The following AGL variants were observed in gnomAD, a reference collection of about 807,000 sequenced individuals.
AGL encodes glycogen debranching enzyme.
A neutral mutation model predicts 199.3 loss-of-function variants in AGL; 128 were observed. The observed-to-expected ratio is 0.64, with a 90% CI of 0.56 to 0.74. The LOEUF (loss-of-function observed/expected upper bound fraction) is 0.74. Ranked by LOEUF, AGL falls within the 30% of genes least tolerant of loss-of-function variation. The probability of loss-of-function intolerance (pLI) is 0.00; values close to 1 mark genes in which losing one functional copy is unlikely to be tolerated. For missense variants in AGL, 1,809 were observed against 1,820.8 expected (o/e 0.99, Z 0.12); for synonymous variants, 584 against 594.7 (o/e 0.98, Z 0.26).
chr1:99,879,141 A>C (rs138310818), intron 12 of AGL, among the ~76,000 whole-genome samples: 1 of 152,194 alleles, frequency 6.6e-6, no homozygotes, highest in African/African-American at 2.4e-5. Context: ...AGAGTTTTTA[A>C]GAGTTATTTA....
intron 5 of AGL, among the ~76,000 whole-genome samples, chr1:99,867,682 A>T (rs1364502888): frequency 6.6e-6 from 1 of 150,972 alleles, no homozygotes; most frequent in Non-Finnish European, 1.5e-5. Flanking sequence ...CAGCCTCCCG[A>T]GTAGTTGGAA....
At chr1:99,860,723 G>T (rs1649961934) in intron 2 of AGL, among the ~76,000 whole-genome samples, 1 of 152,192 alleles carries the variant, frequency 6.6e-6, no homozygotes, top group Non-Finnish European at 1.5e-5. Flanking sequence ...GCAGTAGTGT[G>T]TTGGAGGTGC....
chr1:99,902,588 G>A, intron 26 of AGL, 95 bp from the exon 27 acceptor site: 1 of 1,006,398 alleles, frequency 9.9e-7, no homozygotes, highest in Non-Finnish European at 1.6e-6. Flanking sequence ...TCAAAGGAAA[G>A]TATATATTTT....
At position 99,876,524 on chromosome 1, in the gene AGL, T is replaced by G. The variant is rs1651547075; in HGVS notation, c.1350T>G (p.Asn450Lys). 1 of 1,613,742 alleles carries G rather than the reference T, an allele frequency of 6.2e-7. No individual in the cohort carries two copies. Among genetic ancestry groups the G allele is most frequent in the South Asian group, 1.1e-5 (1 of 91,080 alleles). ...AAGAATCTATGATTCATCTGCCAAA[T>G]AAAGCTTGTTTTCTGATGGCACACA... Reference protein sequence around the residue: ...SMEESMIHLPNKACFLMAHNG... With the variant: ...SMEESMIHLPKKACFLMAHNG... Residue 450 changes from asparagine to lysine, a missense_variant, in exon 11 of 34, where the codon AAT becomes AAG. Coordinates refer to ENST00000361915, the MANE Select transcript of AGL (RefSeq NM_000642.3).
chr1:99,862,505 G>A (rs1019483155), intron 4 of AGL, 82 bp downstream of exon 4: 10 of 1,454,784 alleles, frequency 6.9e-6, no homozygotes, highest in Admixed American at 1.7e-5. Context: ...AAAGTTTTGT[G>A]TATTAGTCCA....
At chr1:99,884,267 T>C (rs768566418) in intron 18 of AGL, 23 bp downstream of exon 18, 1 of 1,612,940 alleles carries the variant, frequency 6.2e-7, no homozygotes, top group South Asian at 1.1e-5. Context: ...CTCATCTTAC[T>C]ACTGTGTTTA....
intron 27 of AGL, among the ~76,000 whole-genome samples, chr1:99,903,879 A>T (rs544692005): frequency 3.0e-4 from 45 of 152,206 alleles, no homozygotes; most frequent in Admixed American, 7.8e-4. Context: ...CATTTCTCTG[A>T]TGGCCAGTGA....
At chr1:99,871,367 G>A (rs899065035) in intron 7 of AGL, among the ~76,000 whole-genome samples, 1 of 150,816 alleles carries the variant, frequency 6.6e-6, no homozygotes, top group Admixed American at 6.7e-5. Context: ...AGGTAACGAA[G>A]TGAGTCTTCT....
rs1308551818 is a variant in AGL, at chr1:99,922,407, GAA to G, written c.*761_*762del. The G allele has an allele frequency of 6.6e-6, 1 of 151,558 alleles. No homozygotes were observed. Among genetic ancestry groups the G allele is most frequent in the Non-Finnish European group, 1.5e-5 (1 of 67,728 alleles). 9.4% of individuals were successfully genotyped at this position (151,558 alleles called of 1,614,324 possible). On this transcript the variant is annotated 3_prime_UTR_variant, in exon 34 of 34. Transcript: ENST00000361915. ...TCGGTCATATTTCTAGAACTTTAAAGAAAAAAGAATGTTATATTAGTTTTCTA... is the reference window on the plus strand; with the variant it reads ...TCGGTCATATTTCTAGAACTTTAAAGAAAAGAATGTTATATTAGTTTTCTA...
Position 99,921,729 on chromosome 1 carries a change from A to G in AGL, c.*78A>G. 1 of 937,186 alleles carries G rather than the reference A, an allele frequency of 1.1e-6. No homozygotes were observed. Among genetic ancestry groups the G allele is most frequent in the Non-Finnish European group, 1.7e-6 (1 of 601,730 alleles). The allele number at this position is 937,186 out of a possible 1,614,324, so 58.1% of individuals were successfully genotyped here. On this transcript the variant is annotated 3_prime_UTR_variant, in exon 34 of 34. Transcript: ENST00000361915. The stretch of plus-strand genomic sequence containing the variant: ...TCATATGTAAATGCCTTATATGCAC[A>G]GGCTCAAGTTGTTTTAAAAATCTCA...
Position 99,864,566 on chromosome 1 carries a change from C to T in AGL, c.641C>T (p.Thr214Ile). The T allele has an allele frequency of 1.2e-6, 2 of 1,613,696 alleles. No individual in the cohort carries two copies. Among genetic ancestry groups the T allele is most frequent in the East Asian group, 2.2e-5 (1 of 44,814 alleles). ...AAGGAATGGAATGTTATTTGTATTA[C>T]TGATGTTGTCTACAATCATACTGGT... ...LKKEWNVICITDVVYNHTAAN... is the reference protein window; with the variant it reads ...LKKEWNVICIIDVVYNHTAAN... The change falls in exon 5 of 34, where the codon ACT becomes ATT. Residue 214 changes from threonine (T) to isoleucine (I), a missense_variant. Thr to Ile is a moderately conservative substitution (Grantham distance 89). Coordinates refer to ENST00000361915, the MANE Select transcript of AGL (RefSeq NM_000642.3).
At chr1:99,910,336 T>C (rs1409394654) in intron 27 of AGL, among the ~76,000 whole-genome samples, 1 of 152,210 alleles carries the variant, frequency 6.6e-6, no homozygotes. Flanking sequence ...ATCCAGTTCA[T>C]TAATTTCAAA....
At position 99,912,482 on chromosome 1, in the gene AGL, T is replaced by C. The variant is rs1654819287; in HGVS notation, c.3914T>C (p.Ile1305Thr). The change falls in exon 29 of 34, where the codon ATT (isoleucine) becomes ACT (threonine). Residue 1305 changes from isoleucine (I) to threonine (T), a missense_variant. Ile to Thr is a moderately conservative substitution (Grantham distance 89). Coordinates refer to ENST00000361915, the MANE Select transcript of AGL (RefSeq NM_000642.3). ...RWLLELSKKN[I>T]FPYHEVTVKR... ...TTGCTGGAATTATCCAAAAAAAATATTTTCCCTTATCATGAAGTCACAGTA... is the reference window on the plus strand; with the variant it reads ...TTGCTGGAATTATCCAAAAAAAATACTTTCCCTTATCATGAAGTCACAGTA... 1 of 1,613,752 alleles carries C rather than the reference T, an allele frequency of 6.2e-7. No individual in the cohort carries two copies. Among genetic ancestry groups the C allele is most frequent in the Non-Finnish European group, 8.5e-7 (1 of 1,179,930 alleles).
At chr1:99,883,464 AT>A (rs1338013193) in intron 17 of AGL, among the ~76,000 whole-genome samples, 3 of 152,206 alleles carry the variant, frequency 2.0e-5, no homozygotes, top group African/African-American at 7.2e-5. Flanking sequence ...ATTTTGGTAT[AT>A]TCATACAGTA....
At position 99,868,334 on chromosome 1, in the gene AGL, G is replaced by A. The variant is rs1175023952; in HGVS notation, c.665-2066G>A. On this transcript the variant is annotated intron_variant, in intron 5 of 33. Transcript: ENST00000361915. ...TTTTGCTATTTTAAAAATTGGGGACGGGTGGAGTGGCTCACACCTGTAATC... is the reference window on the plus strand; with the variant it reads ...TTTTGCTATTTTAAAAATTGGGGACAGGTGGAGTGGCTCACACCTGTAATC... Among the ~76,000 whole-genome samples, 8 of 152,094 alleles carry A rather than the reference G, an allele frequency of 5.3e-5. No homozygotes were observed. The East Asian group carries it at 5.8e-4, about 11-fold the overall frequency.
At chr1:99,921,396 T>C (rs1395045821) in intron 33 of AGL, 138 bp from the exon 34 acceptor site, 4 of 708,734 alleles carry the variant, frequency 5.6e-6, no homozygotes, top group African/African-American at 1.7e-5. Context: ...TGTATGTCTT[T>C]AGGATATTGT....
At chr1:99,876,415 G>C (rs776408470) in intron 10 of AGL, 43 bp from the exon 11 acceptor site, 1 of 1,375,860 alleles carries the variant, frequency 7.3e-7, no homozygotes, top group South Asian at 1.3e-5. Flanking sequence ...TCTCTCCAAG[G>C]AGTTTCTTTG....
intron 1 of AGL, 130 bp from the exon 2 acceptor site, chr1:99,850,845 A>G: frequency 6.4e-6 from 4 of 622,642 alleles, no homozygotes; most frequent in South Asian, 3.8e-5. Context: ...CTTAATAGTT[A>G]TAAGATTCAT....
At chr1:99,888,534 A>G (rs1652634065) in intron 21 of AGL, among the ~76,000 whole-genome samples, 1 of 152,148 alleles carries the variant, frequency 6.6e-6, no homozygotes. Context: ...TTGGGCCCCA[A>G]GTGGGATTAG....
Sources: gnomAD v4.1 joint callset for allele counts (sites outside exome capture counted in the v4.1 genomes callset) on GRCh38, gnomAD v4.1.1 for gene constraint, MANE v1.5 for transcripts, NCBI Gene and HGNC (gene_info 2026-07-23, HGNC 2026-07-21) for gene names.